FAM163A: variants seen among roughly 807,000 people sequenced by gnomAD.
FAM163A encodes family with sequence similarity 163 member A.
A neutral mutation model predicts 12.0 loss-of-function variants in FAM163A; 7 were observed. That is an observed-to-expected ratio of 0.58 (90% CI 0.33 to 1.10). The LOEUF (loss-of-function observed/expected upper bound fraction) is 1.10. FAM163A is among the 50% of genes least tolerant of loss of function. The probability of loss-of-function intolerance (pLI) is 0.03; values close to 1 mark genes in which losing one functional copy is unlikely to be tolerated. For missense variants in FAM163A, 202 were observed against 218.6 expected (o/e 0.92, Z 0.48); for synonymous variants, 101 against 91.0 (o/e 1.11, Z -0.62).
At position 179,754,692 on chromosome 1, in the gene FAM163A, G is replaced by C. The variant is rs950279919; in HGVS notation, c.-136+11269G>C. Among the ~76,000 whole-genome samples the C allele has an allele frequency of 2.0e-5, 3 of 152,190 alleles. No homozygotes were observed. The South Asian group carries it at 6.2e-4, about 31-fold the overall frequency. Reference sequence around the variant, plus strand: ...GAGCTGTCTGTATTCAGTGATGTCAGAACATAAAATGGCAGGTTATGGCGA... The same window carrying C: ...GAGCTGTCTGTATTCAGTGATGTCACAACATAAAATGGCAGGTTATGGCGA... On this transcript the variant is annotated intron_variant, in intron 1 of 4. Transcript: ENST00000341785.
In FAM163A at chr1:179,749,246, G is replaced by T. The variant is rs190609464; in HGVS notation, c.-136+5823G>T. ...CTGATGATGGAGAGAGAGAAAAAAG[G>T]AAAAGCATGGTCTCTATACTCCCCA... On this transcript the variant is annotated intron_variant, in intron 1 of 4. Transcript: ENST00000341785. Among the ~76,000 whole-genome samples, 305 of 152,312 alleles carry T rather than the reference G, an allele frequency of 2.0e-3. 1 individual carries two copies. Among genetic ancestry groups the T allele is most frequent in the African/African-American group, 7.1e-3 (293 of 41,554 alleles).
chr1:179,777,627 G>A (rs1262818064), intron 1 of FAM163A, among the ~76,000 whole-genome samples: 1 of 152,178 alleles, frequency 6.6e-6, no homozygotes, highest in Non-Finnish European at 1.5e-5. Flanking sequence ...TCCTTTCAAA[G>A]AGCCGTACCT....
intron 1 of FAM163A, among the ~76,000 whole-genome samples, chr1:179,780,746 G>T (rs751455671): frequency 2.6e-5 from 4 of 152,166 alleles, no homozygotes; most frequent in Admixed American, 6.5e-5. Flanking sequence ...AACTGTCTTT[G>T]TGCTTTCTTA....
At chr1:179,782,458 C>T (rs999722954) in intron 1 of FAM163A, among the ~76,000 whole-genome samples, 3 of 151,872 alleles carry the variant, frequency 2.0e-5, no homozygotes, top group African/African-American at 7.3e-5. Flanking sequence ...TCTCATTTGG[C>T]GGGCGGGAAA....
chr1:179,761,077 T>G (rs1686749044), intron 1 of FAM163A, among the ~76,000 whole-genome samples: 1 of 150,878 alleles, frequency 6.6e-6, no homozygotes, highest in Non-Finnish European at 1.5e-5. Flanking sequence ...CAGTAGCCAT[T>G]TAAATGATGT....
chr1:179,769,467 ACT>A (rs1361152401), intron 1 of FAM163A, among the ~76,000 whole-genome samples: 1 of 151,476 alleles, frequency 6.6e-6, no homozygotes, highest in Non-Finnish European at 1.5e-5. Context: ...ATCTTAAAAA[ACT>A]CTTTTCATCT....
chr1:179,763,819 G>A (rs1368091956), intron 1 of FAM163A, among the ~76,000 whole-genome samples: 2 of 152,136 alleles, frequency 1.3e-5, no homozygotes, highest in Non-Finnish European at 2.9e-5. Flanking sequence ...CTTGTGCAAT[G>A]GGTACAAGAC....
At chr1:179,795,150 A>AT (rs1692097270) in intron 1 of FAM163A, among the ~76,000 whole-genome samples, 1 of 152,226 alleles carries the variant, frequency 6.6e-6, no homozygotes, top group Admixed American at 6.5e-5. Flanking sequence ...CCTAAAGAGG[A>AT]TAAAAAGCAA....
intron 1 of FAM163A, among the ~76,000 whole-genome samples, chr1:179,789,286 A>G (rs1691094969): frequency 6.6e-6 from 1 of 151,958 alleles, no homozygotes; most frequent in African/African-American, 2.4e-5. Flanking sequence ...GGTTCAAATG[A>G]TTCTCCTGCC....
At chr1:179,780,493 C>T (rs1223568640) in intron 1 of FAM163A, among the ~76,000 whole-genome samples, 2 of 152,214 alleles carry the variant, frequency 1.3e-5, no homozygotes, top group African/African-American at 2.4e-5. Context: ...ATCGTTCTTC[C>T]TTGCTGTGAC....
intron 2 of FAM163A, among the ~76,000 whole-genome samples, chr1:179,810,228 A>AAGAG (rs1474955462): frequency 3.3e-5 from 5 of 152,174 alleles, no homozygotes; most frequent in Non-Finnish European, 2.9e-5. Flanking sequence ...GCGGGATTTG[A>AAGAG]AGAGCAAACC....
At chr1:179,785,635 AAC>A (rs889775622) in intron 1 of FAM163A, among the ~76,000 whole-genome samples, 1 of 152,168 alleles carries the variant, frequency 6.6e-6, no homozygotes, top group Non-Finnish European at 1.5e-5. Flanking sequence ...AACACTGAAA[AAC>A]ACAATGGAGA....
At chr1:179,791,848 T>C (rs756324595) in intron 1 of FAM163A, among the ~76,000 whole-genome samples, 6 of 152,202 alleles carry the variant, frequency 3.9e-5, no homozygotes, top group Non-Finnish European at 1.5e-5. Context: ...TCACTTCCAA[T>C]TATGATTGGA....
intron 1 of FAM163A, among the ~76,000 whole-genome samples, chr1:179,761,763 C>T (rs1034358099): frequency 1.3e-5 from 2 of 151,874 alleles, no homozygotes; most frequent in African/African-American, 2.4e-5. Flanking sequence ...TTAGGATAAT[C>T]GAGTATTGAG....
the FAM163A span, among the ~76,000 whole-genome samples, chr1:179,728,928 G>A: frequency 1.1e-4 from 16 of 152,088 alleles, no homozygotes; most frequent in Non-Finnish European, 2.4e-4. Context: ...CAGCATATAA[G>A]CCCTGTTAAA....
Position 179,814,064 on chromosome 1 carries a change from A to C in FAM163A, c.379A>C (p.Thr127Pro). Reference sequence around the variant, plus strand: ...AGGCGAGAGGCTCTCCTTTGCTCCCACATACTACAAAGAGGGGGGACCCCC... The same window carrying C: ...AGGCGAGAGGCTCTCCTTTGCTCCCCCATACTACAAAGAGGGGGGACCCCC... ...GGGERLSFAP[T>P]YYKEGGPPSL... The change falls in exon 5 of 5, where the codon ACA (threonine) becomes CCA (proline). Residue 127 changes from threonine (T) to proline (P), a missense_variant. Physicochemically the swap from Thr to Pro is conservative, Grantham distance 38. Transcript: ENST00000341785. 1.2e-6 allele frequency: 2 copies of C among 1,614,050 alleles called. No homozygotes were observed. The highest frequency in any genetic ancestry group is 1.7e-6 in the Non-Finnish European group (2 of 1,179,982).
intron 1 of FAM163A, among the ~76,000 whole-genome samples, chr1:179,784,775 G>T (rs1033517589): frequency 6.6e-6 from 1 of 152,138 alleles, no homozygotes; most frequent in South Asian, 2.1e-4. Context: ...GTGACATGTC[G>T]CAGTGTATAA....
intron 1 of FAM163A, among the ~76,000 whole-genome samples, chr1:179,793,252 G>T (rs1158547608): frequency 6.6e-6 from 1 of 152,130 alleles, no homozygotes; most frequent in Non-Finnish European, 1.5e-5. Context: ...CCTTCTCTGT[G>T]TGTCCCAGTG....
rs1312918772 is a variant in FAM163A at position 179,815,836 on chromosome 1, A to AC, written c.*1648dup. The stretch of plus-strand genomic sequence containing the variant: ...CGGGGAGGGAGGAAGAGGGGAATGC[A>AC]CATCTTTTGCGCCACTATTAAGGCA... On this transcript the variant is annotated 3_prime_UTR_variant, in exon 5 of 5. Coordinates refer to ENST00000341785, the MANE Select transcript of FAM163A (RefSeq NM_173509.3). The AC allele has an allele frequency of 6.6e-6, 1 of 152,246 alleles. No individual in the cohort carries two copies. Among genetic ancestry groups the AC allele is most frequent in the Non-Finnish European group, 1.5e-5 (1 of 68,058 alleles). The allele number at this position is 152,246 out of a possible 1,614,324, so 9.4% of individuals were successfully genotyped here.
Sources: gnomAD v4.1 joint callset for allele counts (sites outside exome capture counted in the v4.1 genomes callset) on GRCh38, gnomAD v4.1.1 for gene constraint, MANE v1.5 for transcripts, NCBI Gene and HGNC (gene_info 2026-07-23, HGNC 2026-07-21) for gene names.